Variants in NGLY1 observed in about 807,000 individuals in gnomAD.
NGLY1 encodes the protein N-glycanase 1.
In NGLY1, 68 loss-of-function variants were observed where a neutral mutation model predicts 84.6. The ratio of observed to expected loss-of-function variants is 0.80; its 90% CI spans 0.66 to 0.98. The LOEUF (loss-of-function observed/expected upper bound fraction) is 0.98. NGLY1 is among the 50% of genes least tolerant of loss of function. The pLI is 0.00. For missense variants in NGLY1, 779 were observed against 770.2 expected (o/e 1.01, Z -0.14); for synonymous variants, 280 against 275.2 (o/e 1.02, Z -0.17).
intron 3 of NGLY1, among the ~76,000 whole-genome samples, chr3:25,763,353 C>T (rs1159101426): frequency 6.6e-6 from 1 of 152,162 alleles, no homozygotes; most frequent in African/African-American, 2.4e-5. Flanking sequence ...TATATTCTAA[C>T]ACTGTAATTG....
At chr3:25,742,966 A>G (rs1251081438) in intron 4 of NGLY1, among the ~76,000 whole-genome samples, 2 of 151,810 alleles carry the variant, frequency 1.3e-5, no homozygotes, top group South Asian at 2.1e-4. Flanking sequence ...TTATCCTGGA[A>G]TATGTGGATA....
intron 9 of NGLY1, 69 bp downstream of exon 9, chr3:25,732,250 A>G: frequency 7.3e-7 from 1 of 1,377,002 alleles, no homozygotes; most frequent in Non-Finnish European, 1.0e-6. Context: ...GTTGGAGGAT[A>G]GTATAGGAAG....
chr3:25,761,417 C>T (rs895803564), intron 3 of NGLY1, among the ~76,000 whole-genome samples: 2 of 152,178 alleles, frequency 1.3e-5, no homozygotes, highest in Admixed American at 1.3e-4. Flanking sequence ...CAGAAAGTTA[C>T]TTCCATTAGG....
At chr3:25,787,355 C>T (rs77048008), upstream of NGLY1, among the ~76,000 whole-genome samples, 4,113 of 152,290 alleles carry the variant, frequency 0.027, 119 homozygotes, top group South Asian at 0.13. Context: ...TTGCCATTGC[C>T]TTCAGAGCCT....
intron 10 of NGLY1, among the ~76,000 whole-genome samples, chr3:25,720,443 T>C (rs1481920113): frequency 3.9e-5 from 6 of 152,226 alleles, no homozygotes; most frequent in Non-Finnish European, 8.8e-5. Flanking sequence ...TCTAAAGGAC[T>C]GCATTCTAAC....
intron 2 of NGLY1, among the ~76,000 whole-genome samples, chr3:25,775,495 A>G (rs1281947229): frequency 6.6e-6 from 1 of 152,208 alleles, no homozygotes; most frequent in African/African-American, 2.4e-5. Flanking sequence ...ATCATCATGG[A>G]TGGAAATGGA....
At chr3:25,736,368 T>C in intron 6 of NGLY1, 1 of 1,551,476 alleles carries the variant, frequency 6.4e-7, no homozygotes, top group Middle Eastern at 1.7e-4. Context: ...TCCTTTAACG[T>C]GGTCAGTTTT....
At position 25,726,269 on chromosome 3, in the gene NGLY1, T is replaced by A. The variant is rs182584723; in HGVS notation, c.1611+2864A>T. 2.7e-3 allele frequency among the ~76,000 whole-genome samples: 414 copies of A among 152,302 alleles called. 1 individual carries two copies. Among genetic ancestry groups the A allele is most frequent in the Admixed American group, 6.1e-3 (94 of 15,288 alleles). The stretch of plus-strand genomic sequence containing the variant: ...ACCAATCTTTACTAAACACTTACTA[T>A]GTATCGGGTACTATGCCAGATATAT... On this transcript the variant is annotated intron_variant, in intron 10 of 11. Coordinates refer to ENST00000280700, the MANE Select transcript of NGLY1 (RefSeq NM_018297.4).
chr3:25,783,423 T>A lies in NGLY1; in HGVS notation c.-33A>T, dbSNP rs759399112. ...CGCCAGCGGGCGCCGCCGCCGCCCC[T>A]CGCTCTCCGCGTCCCACACTGAGCA... is the stretch of plus-strand genomic sequence containing the variant. On this transcript the variant is annotated 5_prime_UTR_variant, in exon 1 of 12. Transcript: ENST00000280700. This position sits in a 1 kb window ranked among gnomAD's most constrained non-coding sequence, Gnocchi z 4.5. The A allele has an allele frequency of 5.3e-6, 8 of 1,516,734 alleles. No homozygotes were observed. The highest frequency in any genetic ancestry group is 6.2e-6 in the Non-Finnish European group (7 of 1,133,704). 94.0% of individuals were successfully genotyped at this position (1,516,734 alleles called of 1,614,324 possible). A position where few individuals can be genotyped will look rare whatever the true frequency, so the allele number is the denominator to read the frequency against.
At chr3:25,784,388 C>A (rs933032811), upstream of NGLY1, among the ~76,000 whole-genome samples, 16 of 152,158 alleles carry the variant, frequency 1.1e-4, no homozygotes, top group Admixed American at 6.5e-5. Flanking sequence ...AAATTTGCAT[C>A]CCACACAGTA....
chr3:25,750,763 T>A (rs146903670), intron 4 of NGLY1, among the ~76,000 whole-genome samples: 1 of 152,322 alleles, frequency 6.6e-6, no homozygotes, highest in African/African-American at 2.4e-5. Flanking sequence ...GTATTTATAA[T>A]GTATAACACT....
chr3:25,786,341 C>A (rs374415935), upstream of NGLY1, among the ~76,000 whole-genome samples: 8 of 150,810 alleles, frequency 5.3e-5, no homozygotes, highest in South Asian at 1.7e-3. Context: ...AAAAGAATAG[C>A]GCCATGATAT....
At position 25,738,435 on chromosome 3, in the gene NGLY1, G is replaced by A. The variant is rs1466680607; in HGVS notation, c.882-980C>T. On this transcript the variant is annotated intron_variant, in intron 5 of 11. Transcript: ENST00000280700. ...CACTAAATTTTGCATTTTGTGTTGA[G>A]ATGGGTTTTGAACTGATAGAGCTGA... Among the ~76,000 whole-genome samples, 6 of 152,182 alleles carry A rather than the reference G, an allele frequency of 3.9e-5. No homozygotes were observed. The East Asian group carries it at 1.2e-3, about 29-fold the overall frequency.
At chr3:25,764,897 T>C (rs1204519963) in intron 2 of NGLY1, among the ~76,000 whole-genome samples, 1 of 152,122 alleles carries the variant, frequency 6.6e-6, no homozygotes, top group East Asian at 1.9e-4. Context: ...AATCCAAAAC[T>C]ATGGATGGTT....
At chr3:25,755,920 T>C (rs1707013862) in intron 3 of NGLY1, among the ~76,000 whole-genome samples, 1 of 152,206 alleles carries the variant, frequency 6.6e-6, no homozygotes, top group South Asian at 2.1e-4. Flanking sequence ...GCAATTCTGT[T>C]TTTGAGACAC....
At chr3:25,781,640 T>C (rs1036705769) in intron 1 of NGLY1, among the ~76,000 whole-genome samples, 1 of 152,200 alleles carries the variant, frequency 6.6e-6, no homozygotes, top group Non-Finnish European at 1.5e-5. Flanking sequence ...GAGGTTGCAG[T>C]GAGTCAAGAT....
rs1706027679 is a variant in NGLY1, at chr3:25,739,682, G to C, written c.776C>G (p.Ser259Cys). Residue 259 changes from serine (S) to cysteine (C), a missense_variant, in exon 5 of 12, where the codon TCT (serine) becomes TGT (cysteine). Coordinates refer to ENST00000280700, the MANE Select transcript of NGLY1 (RefSeq NM_018297.4). ...ACTGGGCAGTAATGATCTATCTCTA[G>C]ACCTAGTCTGTCCACCACATTTGCT... is the stretch of plus-strand genomic sequence containing the variant. ...LCSKCGGQTRSRDRSLLPSDD... is the reference protein window; with the variant it reads ...LCSKCGGQTRCRDRSLLPSDD... 12 of 1,614,020 alleles carry C rather than the reference G, an allele frequency of 7.4e-6. No individual in the cohort carries two copies. Among genetic ancestry groups the C allele is most frequent in the Non-Finnish European group, 1.0e-5 (12 of 1,179,988 alleles).
At chr3:25,782,175 T>C (rs1708449339) in intron 1 of NGLY1, among the ~76,000 whole-genome samples, 1 of 152,146 alleles carries the variant, frequency 6.6e-6, no homozygotes, top group South Asian at 2.1e-4. Flanking sequence ...ATCATTACCA[T>C]TGCCTAAATG....
At chr3:25,778,894 G>C (rs1333638459) in intron 1 of NGLY1, among the ~76,000 whole-genome samples, 2 of 8,392 alleles carry the variant, frequency 2.4e-4, no homozygotes, top group Non-Finnish European at 8.1e-4. Context: ...TTTTGAGATG[G>C]GGGGGGTCTC....
Sources: allele counts gnomAD v4.1 joint callset (sites outside exome capture counted in the v4.1 genomes callset), GRCh38; gene constraint gnomAD v4.1.1; non-coding constraint Gnocchi (gnomAD v3.1); transcripts MANE v1.5; gene names NCBI Gene and HGNC (gene_info 2026-07-23, HGNC 2026-07-21).